The following RALGPS2 variants were observed in gnomAD, a reference collection of about 807,000 sequenced individuals.
The protein encoded by RALGPS2 is Ral GEF with PH domain and SH3 binding motif 2.
RALGPS2 carries 43 observed loss-of-function variants against 86.8 expected under a neutral mutation model. The ratio of observed to expected loss-of-function variants is 0.50; its 90% CI spans 0.39 to 0.64. The LOEUF (loss-of-function observed/expected upper bound fraction) is 0.64. RALGPS2 is among the 30% of genes least tolerant of loss of function. The pLI is 0.00. For missense variants in RALGPS2, 536 were observed against 694.6 expected (o/e 0.77, Z 2.57); for synonymous variants, 243 against 231.3 (o/e 1.05, Z -0.46).
chr1:178,906,203 T>C (rs1350108998), intron 18 of RALGPS2, among the ~76,000 whole-genome samples: 2 of 152,000 alleles, frequency 1.3e-5, no homozygotes, highest in African/African-American at 4.8e-5. Flanking sequence ...TGAAACCCCG[T>C]CTCTACTAAA....
At chr1:178,867,353 G>A (rs1046405910) in intron 8 of RALGPS2, among the ~76,000 whole-genome samples, 2 of 152,168 alleles carry the variant, frequency 1.3e-5, no homozygotes, top group African/African-American at 2.4e-5. Flanking sequence ...GTGATGGAGC[G>A]AGAATTTGAA....
At chr1:178,748,515 C>A (rs1367130241) in intron 1 of RALGPS2, among the ~76,000 whole-genome samples, 2 of 152,068 alleles carry the variant, frequency 1.3e-5, no homozygotes, top group African/African-American at 2.4e-5. Flanking sequence ...TTGATAGTCA[C>A]AACAACAGGG....
At chr1:178,908,435 G>A (rs967969309) in intron 19 of RALGPS2, among the ~76,000 whole-genome samples, 1 of 152,042 alleles carries the variant, frequency 6.6e-6, no homozygotes, top group African/African-American at 2.4e-5. Flanking sequence ...TTTTCCTTTG[G>A]GTATATGCTC....
intron 4 of RALGPS2, among the ~76,000 whole-genome samples, chr1:178,790,437 G>A (rs1271840112): frequency 6.6e-6 from 1 of 152,138 alleles, no homozygotes; most frequent in African/African-American, 2.4e-5. Flanking sequence ...ACTGAGAAAG[G>A]CTTTCTGCAT....
intron 7 of RALGPS2, among the ~76,000 whole-genome samples, chr1:178,828,933 A>C (rs181692317): frequency 6.6e-6 from 1 of 152,324 alleles, no homozygotes; most frequent in East Asian, 1.9e-4. Context: ...GTGTCCAGAG[A>C]AATTGAAATT....
chr1:178,912,018 G>A (rs892869778), intron 19 of RALGPS2, among the ~76,000 whole-genome samples: 1 of 152,128 alleles, frequency 6.6e-6, no homozygotes, highest in African/African-American at 2.4e-5. Context: ...TATAAGACTA[G>A]CAACCTTTGT....
At chr1:178,889,829 G>C (rs1048969845) in intron 14 of RALGPS2, 133 bp downstream of exon 14, 1 of 541,706 alleles carries the variant, frequency 1.8e-6, no homozygotes, top group South Asian at 3.1e-5. Flanking sequence ...AAAGAAATTA[G>C]AAGTTGATAT....
Position 178,877,496 on chromosome 1 carries a change from A to G in RALGPS2, c.608-2A>G. 1 of 1,612,820 alleles carries G rather than the reference A, an allele frequency of 6.2e-7. No individual in the cohort carries two copies. The highest frequency in any genetic ancestry group is 8.5e-7 in the Non-Finnish European group (1 of 1,179,312). The stretch of plus-strand genomic sequence containing the variant: ...ACGTTCATTTATCTAATTGTATTTC[A>G]GGTATCTATTTGTCAGATTTAACAT... On this transcript the variant is annotated splice_acceptor_variant, in intron 8 of 19. Transcript: ENST00000367635. LOFTEE classifies it high-confidence loss of function.
intron 8 of RALGPS2, among the ~76,000 whole-genome samples, chr1:178,860,546 C>T (rs1434697332): frequency 6.6e-6 from 1 of 152,038 alleles, no homozygotes; most frequent in Non-Finnish European, 1.5e-5. Flanking sequence ...TTCTCCAGAA[C>T]TCTTCATCTT....
At chr1:178,824,117 G>T (rs1655636372) in intron 7 of RALGPS2, among the ~76,000 whole-genome samples, 1 of 152,162 alleles carries the variant, frequency 6.6e-6, no homozygotes, top group South Asian at 2.1e-4. Context: ...TTTGAATAAG[G>T]TGCAAAGTTT....
intron 8 of RALGPS2, among the ~76,000 whole-genome samples, chr1:178,846,432 GA>G (rs1397096952): frequency 1.3e-5 from 2 of 152,088 alleles, no homozygotes; most frequent in Non-Finnish European, 2.9e-5. Flanking sequence ...TTGGATTTGA[GA>G]ATAAGCTCTG....
At chr1:178,876,346 C>G (rs749845864) in intron 8 of RALGPS2, among the ~76,000 whole-genome samples, 2 of 152,098 alleles carry the variant, frequency 1.3e-5, no homozygotes, top group Non-Finnish European at 2.9e-5. Context: ...AGTGAAACGT[C>G]TGAGATCCAG....
rs192748586 is a variant in RALGPS2, at chr1:178,819,240, G to C, written c.388-2372G>C. 2.0e-3 allele frequency among the ~76,000 whole-genome samples: 300 copies of C among 152,236 alleles called. 2 individuals are homozygous for C. Among genetic ancestry groups the C allele is most frequent in the Non-Finnish European group, 1.5e-3 (102 of 68,002 alleles). On this transcript the variant is annotated intron_variant, in intron 6 of 19. Coordinates refer to ENST00000367635, the MANE Select transcript of RALGPS2 (RefSeq NM_152663.5). The stretch of plus-strand genomic sequence containing the variant: ...ACTCCTGGGCTCAAGCAGTTCACCT[G>C]CCTCAGCCGCCGGAAGTGCTGGGAT...
intron 7 of RALGPS2, among the ~76,000 whole-genome samples, chr1:178,832,250 C>G (rs1286636577): frequency 1.3e-5 from 2 of 152,046 alleles, no homozygotes; most frequent in Non-Finnish European, 2.9e-5. Flanking sequence ...AGCAAAGGAC[C>G]CCTTGACGTT....
chr1:178,790,598 TTAGCATGCTTTTGATGTTCTTGTCTTCG>T (rs1653905341), intron 4 of RALGPS2, among the ~76,000 whole-genome samples: 1 of 152,254 alleles, frequency 6.6e-6, no homozygotes, highest in Non-Finnish European at 1.5e-5. Context: ...TTCGGTCTTT[TTAGCATGCTTTTGATGTTCTTGTCTTCG>T]TAGCATGCTT....
chr1:178,906,506 T>G (rs1660393389), intron 18 of RALGPS2, among the ~76,000 whole-genome samples: 1 of 152,210 alleles, frequency 6.6e-6, no homozygotes, highest in Non-Finnish European at 1.5e-5. Flanking sequence ...TTCTAAAGAA[T>G]ATTTAAGGAG....
chr1:178,747,371 G>A (rs766581575), intron 1 of RALGPS2: 42 of 1,531,716 alleles, frequency 2.7e-5, no homozygotes, highest in Non-Finnish European at 3.8e-5. Flanking sequence ...TTCTAATTGT[G>A]GTAGATGTAC....
intron 4 of RALGPS2, among the ~76,000 whole-genome samples, chr1:178,794,451 T>A (rs1263348124): frequency 6.6e-6 from 1 of 152,156 alleles, no homozygotes; most frequent in African/African-American, 2.4e-5. Flanking sequence ...ACACATTTAT[T>A]TATAGGGCTT....
chr1:178,834,959 G>A (rs1656203180), intron 8 of RALGPS2, among the ~76,000 whole-genome samples: 1 of 152,032 alleles, frequency 6.6e-6, no homozygotes, highest in African/African-American at 2.4e-5. Context: ...TGTATTTTTA[G>A]TAGAGACAGG....
Sources: gnomAD v4.1 joint callset for allele counts (sites outside exome capture counted in the v4.1 genomes callset) on GRCh38, gnomAD v4.1.1 for gene constraint, MANE v1.5 for transcripts, NCBI Gene and HGNC (gene_info 2026-07-23, HGNC 2026-07-21) for gene names.